Variants in SLC15A5 observed in about 807,000 individuals in gnomAD.
SLC15A5 encodes the protein solute carrier family 15 member 5.
A neutral mutation model predicts 56.1 loss-of-function variants in SLC15A5; 58 were observed. The ratio of observed to expected loss-of-function variants is 1.03; its 90% confidence interval spans 0.84 to 1.29. The LOEUF (loss-of-function observed/expected upper bound fraction) is 1.29. Among genes scored for constraint, SLC15A5 ranks in the 50% most tolerant of loss-of-function variants. SLC15A5 has a pLI of 0.00. For synonymous variants in SLC15A5, 264 were observed against 250.5 expected (o/e 1.05, Z -0.51); for missense variants, 681 against 672.1 (o/e 1.01, Z -0.15).
intron 7 of SLC15A5, among the ~76,000 whole-genome samples, chr12:16,211,350 C>G (rs1256740099): frequency 6.6e-6 from 1 of 152,092 alleles, no homozygotes; most frequent in African/African-American, 2.4e-5. Context: ...TTTAAATGAG[C>G]CTTTTAGGAG....
chr12:16,236,855 T>G (rs531007338), intron 5 of SLC15A5, among the ~76,000 whole-genome samples: 9 of 152,286 alleles, frequency 5.9e-5, no homozygotes, highest in Middle Eastern at 3.4e-3. Context: ...CAAGCTAACA[T>G]CAATACATTA....
In SLC15A5 at chr12:16,271,564, A is replaced by G. The variant is rs528707857; in HGVS notation, c.584+997T>C. On this transcript the variant is annotated intron_variant, in intron 2 of 8. Coordinates refer to ENST00000344941, the MANE Select transcript of SLC15A5 (RefSeq NM_001170798.1). This position sits in a 1 kb window ranked among gnomAD's most constrained non-coding sequence, Gnocchi z 8.0. ...TTGTAATATTAATATAATTGGAGAA[A>G]GAAAAAAGGGGAGCAAGAGAAAGAA... Among the ~76,000 whole-genome samples, 19 of 131,704 alleles carry G rather than the reference A, an allele frequency of 1.4e-4. No homozygotes were observed. The highest frequency in any genetic ancestry group is 2.9e-4 in the Non-Finnish European group (18 of 62,916). The allele number at this position is 131,704 out of a possible 152,430, so 86.4% of individuals were successfully genotyped here.
rs902568515 is a variant in SLC15A5, at chr12:16,243,086, C to T, written c.975+1494G>A. On this transcript the variant is annotated intron_variant, in intron 4 of 8. Transcript: ENST00000344941. The surrounding 1 kb of genome is among the most constrained non-coding windows in gnomAD (Gnocchi z 4.4). ...ACATATGGGTTCCGTGGCAATTACTCAACTCTGCTATTTTTGTGCATAAGC... is the reference window on the plus strand; with the variant it reads ...ACATATGGGTTCCGTGGCAATTACTTAACTCTGCTATTTTTGTGCATAAGC... Among the ~76,000 whole-genome samples, 1 of 152,108 alleles carries T rather than the reference C, an allele frequency of 6.6e-6. No homozygotes were observed. The highest frequency in any genetic ancestry group is 6.5e-5 in the Admixed American group (1 of 15,268).
rs1249572010 is a variant in SLC15A5 at position 16,257,887 on chromosome 12, G to GACAA, written c.585-21_585-18dup. On this transcript the variant is annotated splice_polypyrimidine_tract_variant and intron_variant, in intron 2 of 8. Transcript: ENST00000344941. The stretch of plus-strand genomic sequence containing the variant: ...CAATAAAACCTGGGGTATACAGACA[G>GACAA]ACAAAAATAAAAATACCATTGAATT... 2.9e-6 allele frequency: 4 copies of GACAA among 1,393,430 alleles called. No individual in the cohort carries two copies. The highest frequency in any genetic ancestry group is 3.7e-6 in the Non-Finnish European group (4 of 1,078,994). 86.3% of individuals were successfully genotyped at this position (1,393,430 alleles called of 1,614,324 possible).
chr12:16,192,727 C>A (rs969044804), intron 8 of SLC15A5, among the ~76,000 whole-genome samples: 2 of 152,020 alleles, frequency 1.3e-5, no homozygotes, highest in African/African-American at 4.8e-5. Flanking sequence ...TGACTGCGGT[C>A]ATCTTGGCCA....
At chr12:16,219,104 A>G (rs1486638909) in intron 6 of SLC15A5, among the ~76,000 whole-genome samples, 1 of 152,190 alleles carries the variant, frequency 6.6e-6, no homozygotes, top group Non-Finnish European at 1.5e-5. Context: ...GCATCAGTTT[A>G]TCTTTCCTGG....
intron 7 of SLC15A5, among the ~76,000 whole-genome samples, chr12:16,213,922 A>G (rs957553976): frequency 1.3e-5 from 2 of 152,122 alleles, no homozygotes; most frequent in Non-Finnish European, 2.9e-5. Context: ...TATTATACAG[A>G]CCTCTATCCA....
rs532654837 is a variant in SLC15A5, at chr12:16,216,994, C to T, written c.1382G>A (p.Ser461Asn). Reference protein sequence around the residue: ...LSVISYRFVPSNVRGTSMNFL... With the variant: ...LSVISYRFVPNNVRGTSMNFL... ...ATTCATGGAGGTTCCTCTGACATTGCTTGGAACAAATCTGTATGATATTAC... is the reference window on the plus strand; with the variant it reads ...ATTCATGGAGGTTCCTCTGACATTGTTTGGAACAAATCTGTATGATATTAC... Residue 461 changes from serine to asparagine, a missense_variant, in exon 7 of 9, where the codon AGC becomes AAC. Physicochemically the swap from Ser to Asn is conservative, Grantham distance 46. Transcript: ENST00000344941. 1.3e-6 allele frequency: 2 copies of T among 1,536,742 alleles called. No individual in the cohort carries two copies. Among genetic ancestry groups the T allele is most frequent in the South Asian group, 1.2e-5 (1 of 84,008 alleles).
At chr12:16,228,892 A>C (rs1221148537) in intron 5 of SLC15A5, among the ~76,000 whole-genome samples, 2 of 152,174 alleles carry the variant, frequency 1.3e-5, no homozygotes, top group Non-Finnish European at 2.9e-5. Context: ...ATTAGTAGTT[A>C]AGTTTGCAGG....
chr12:16,199,304 C>CAAAAAAA (rs10687463), intron 7 of SLC15A5, among the ~76,000 whole-genome samples: 4 of 91,334 alleles, frequency 4.4e-5, no homozygotes, highest in African/African-American at 1.3e-4. Context: ...TAGACTGTCT[C>CAAAAAAA]AAAAAAAAAA....
Position 16,189,699 on chromosome 12 carries a change from G to C in SLC15A5, c.1709C>G (p.Ser570Ter). 6.6e-7 allele frequency: 1 copy of C among 1,524,960 alleles called. No homozygotes were observed. Among genetic ancestry groups the C allele is most frequent in the East Asian group, 2.5e-5 (1 of 40,750 alleles). The allele number at this position is 1,524,960 out of a possible 1,614,324, so 94.5% of individuals were successfully genotyped here. ...KFYGSIQEFS[S>*]SIDLWETAL ...GGCTGTCTCCCAAAGATCAATACTTGAAGAAAATTCCTGTATACTGCCATA... is the reference window on the plus strand; with the variant it reads ...GGCTGTCTCCCAAAGATCAATACTTCAAGAAAATTCCTGTATACTGCCATA... The change falls in exon 9 of 9, where the codon TCA becomes TGA. Residue 570 changes from serine to a stop codon, truncating the protein, a stop_gained. Transcript: ENST00000344941. LOFTEE classifies it high-confidence loss of function.
intron 8 of SLC15A5, among the ~76,000 whole-genome samples, chr12:16,192,653 A>G (rs752979924): frequency 3.3e-5 from 5 of 152,050 alleles, no homozygotes; most frequent in Admixed American, 6.6e-5. Context: ...TGTATATATT[A>G]ATGAGTAAAT....
chr12:16,241,239 A>AAG (rs1864412648), intron 4 of SLC15A5, among the ~76,000 whole-genome samples: 1 of 152,178 alleles, frequency 6.6e-6, no homozygotes, highest in South Asian at 2.1e-4. Flanking sequence ...CGTATGGTAC[A>AAG]AGAGCTGCAT....
At chr12:16,204,068 G>A (rs1863989610) in intron 7 of SLC15A5, among the ~76,000 whole-genome samples, 1 of 152,166 alleles carries the variant, frequency 6.6e-6, no homozygotes, top group African/African-American at 2.4e-5. Flanking sequence ...AATTTAAAAA[G>A]TATGTTATAT....
At chr12:16,225,985 C>G (rs751662905) in intron 5 of SLC15A5, among the ~76,000 whole-genome samples, 24 of 152,176 alleles carry the variant, frequency 1.6e-4, no homozygotes, top group Non-Finnish European at 2.2e-4. Context: ...CTCATTATCA[C>G]TTTCCTCAGC....
intron 7 of SLC15A5, among the ~76,000 whole-genome samples, chr12:16,213,794 T>G (rs1864105364): frequency 6.6e-6 from 1 of 152,184 alleles, no homozygotes; most frequent in Non-Finnish European, 1.5e-5. Flanking sequence ...CAACCCATCT[T>G]GCTAAGATGT....
At chr12:16,251,847 G>A (rs1429967545) in intron 3 of SLC15A5, among the ~76,000 whole-genome samples, 1 of 151,908 alleles carries the variant, frequency 6.6e-6, no homozygotes, top group East Asian at 1.9e-4. Context: ...ACCAAAACCA[G>A]ACAAAGACAT....
Position 16,189,480 on chromosome 12 carries a change from T to G in SLC15A5, c.*188A>C. The G allele has an allele frequency of 2.4e-6, 1 of 419,178 alleles. No homozygotes were observed. Among genetic ancestry groups the G allele is most frequent in the Non-Finnish European group, 4.0e-6 (1 of 249,186 alleles). 26.0% of individuals were successfully genotyped at this position (419,178 alleles called of 1,614,324 possible). A position where few individuals can be genotyped will look rare whatever the true frequency, so the allele number is the denominator to read the frequency against. The stretch of plus-strand genomic sequence containing the variant: ...TTTTATTAATTCTAATGCTATAACA[T>G]GTTAATGCAAAAGCATGACAGTTTA... On this transcript the variant is annotated 3_prime_UTR_variant, in exon 9 of 9. Transcript: ENST00000344941.
intron 7 of SLC15A5, among the ~76,000 whole-genome samples, chr12:16,204,507 TG>T (rs34785407): frequency 0.5 from 75,238 of 150,754 alleles, 19,517 homozygotes; most frequent in South Asian, 0.73. Context: ...ATGGAGAATA[TG>T]GTTTTCATAA....
Sources: allele counts gnomAD v4.1 joint callset (sites outside exome capture counted in the v4.1 genomes callset), GRCh38; gene constraint gnomAD v4.1.1; non-coding constraint Gnocchi (gnomAD v3.1); transcripts MANE v1.5; gene names NCBI Gene and HGNC (gene_info 2026-07-23, HGNC 2026-07-21).